Variants in DOCK8 observed in about 807,000 individuals in gnomAD.
The protein encoded by DOCK8 is dedicator of cytokinesis protein 8.
Under a neutral mutation model 245.6 loss-of-function variants are expected in DOCK8, and 141 were observed. The observed-to-expected ratio is 0.57, with a 90% CI of 0.50 to 0.66. The LOEUF (loss-of-function observed/expected upper bound fraction) is 0.66, where lower values mean the gene tolerates loss of function less well. DOCK8 is among the 30% of genes least tolerant of loss of function. The pLI is 0.00. For missense variants in DOCK8, 2,965 were observed against 2,603.4 expected, an observed-to-expected ratio of 1.14 and a Z score of -3.02; for synonymous variants, 1,168 against 970.2, an observed-to-expected ratio of 1.20 and a Z score of -3.79.
chr9:350,081 A>C (rs570158590), intron 14 of DOCK8, among the ~76,000 whole-genome samples: 1 of 152,198 alleles, frequency 6.6e-6, no homozygotes, highest in South Asian at 2.1e-4. Flanking sequence ...GGCTCATCGC[A>C]AACTTGGAGT....
chr9:237,480 C>T (rs2047280622), intron 1 of DOCK8, among the ~76,000 whole-genome samples: 1 of 152,154 alleles, frequency 6.6e-6, no homozygotes, highest in Non-Finnish European at 1.5e-5. Flanking sequence ...AGTGGTGAAA[C>T]CTAGTCTCTA....
chr9:311,876 T>C, intron 5 of DOCK8, 78 bp from the exon 6 acceptor site: 2 of 1,562,758 alleles, frequency 1.3e-6, no homozygotes, highest in East Asian at 2.2e-5. Context: ...TGGAGCAGTC[T>C]TGAGACATCC....
At position 372,435 on chromosome 9, in the gene DOCK8, A is replaced by G. The variant is rs1258322844; in HGVS notation, c.2109+149A>G. 2.3e-5 allele frequency: 17 copies of G among 730,506 alleles called. 1 individual carries two copies. In the South Asian group the frequency reaches 2.3e-4, roughly 10 times the overall value. 45.3% of individuals were successfully genotyped at this position (730,506 alleles called of 1,614,324 possible). On this transcript the variant is annotated intron_variant, in intron 18 of 47. Transcript: ENST00000432829. Reference sequence around the variant, plus strand: ...TCTGATAGGATGGGAGGAATAACTGACTGTGAAACCTCATTCTTTTAAATG... The same window carrying G: ...TCTGATAGGATGGGAGGAATAACTGGCTGTGAAACCTCATTCTTTTAAATG...
At chr9:384,259 C>T (rs1389235718) in intron 22 of DOCK8, among the ~76,000 whole-genome samples, 1 of 152,062 alleles carries the variant, frequency 6.6e-6, no homozygotes, top group Non-Finnish European at 1.5e-5. Context: ...GTATACGATC[C>T]AACAGTCTTT....
intron 1 of DOCK8, among the ~76,000 whole-genome samples, chr9:236,833 A>T (rs1001648895): frequency 6.6e-6 from 1 of 152,214 alleles, no homozygotes; most frequent in Non-Finnish European, 1.5e-5. Context: ...CTTTCAGATT[A>T]TGTTGGCATC....
chr9:217,830 A>G (rs1193670311), intron 1 of DOCK8, among the ~76,000 whole-genome samples: 1 of 152,214 alleles, frequency 6.6e-6, no homozygotes, highest in Non-Finnish European at 1.5e-5. Context: ...TTGGAGATAC[A>G]GCTGCACAAG....
chr9:236,710 C>G (rs2047257887), intron 1 of DOCK8, among the ~76,000 whole-genome samples: 1 of 152,176 alleles, frequency 6.6e-6, no homozygotes, highest in Admixed American at 6.5e-5. Flanking sequence ...ACGAAACCAA[C>G]AAAAACTTGT....
chr9:370,335 G>C (rs781303412), intron 16 of DOCK8, 35 bp downstream of exon 16: 35 of 1,592,852 alleles, frequency 2.2e-5, no homozygotes, highest in Non-Finnish European at 3.0e-5. Context: ...TATATGCCAA[G>C]ATGGTTTCAT....
In DOCK8 at chr9:340,150, T is replaced by C. The variant is rs1013335685; in HGVS notation, c.1517-9T>C. The C allele has an allele frequency of 6.2e-7, 1 of 1,613,794 alleles. No individual in the cohort carries two copies. Among genetic ancestry groups the C allele is most frequent in the African/African-American group, 1.3e-5 (1 of 74,918 alleles). On this transcript the variant is annotated splice_polypyrimidine_tract_variant and intron_variant, in intron 13 of 47. Transcript: ENST00000432829. ...TCTTTACTAGAACATTCCTATTTTC[T>C]CTCTTTAGGCTTGCTAAGACTGGAG... is the stretch of plus-strand genomic sequence containing the variant.
chr9:386,477 T>C, intron 23 of DOCK8, 51 bp downstream of exon 23: 1 of 1,516,826 alleles, frequency 6.6e-7, no homozygotes, highest in Non-Finnish European at 9.1e-7. Flanking sequence ...ACAGAAGGAT[T>C]TCCTCATGCC....
intron 34 of DOCK8, among the ~76,000 whole-genome samples, chr9:427,591 A>G (rs751011382): frequency 6.6e-6 from 1 of 152,184 alleles, no homozygotes. Context: ...TGAGTTTTTA[A>G]TTACCCTGAA....
chr9:381,559 C>T (rs560255029), intron 21 of DOCK8, among the ~76,000 whole-genome samples: 1 of 152,264 alleles, frequency 6.6e-6, no homozygotes, highest in African/African-American at 2.4e-5. Flanking sequence ...AAATTAGTGT[C>T]AGTGAGTTCA....
intron 28 of DOCK8, among the ~76,000 whole-genome samples, chr9:414,117 G>A (rs2055879905): frequency 7.1e-6 from 1 of 140,436 alleles, no homozygotes; most frequent in South Asian, 2.3e-4. Flanking sequence ...ACTCCAGCCT[G>A]AACAACTCCA....
intron 13 of DOCK8, among the ~76,000 whole-genome samples, chr9:339,537 A>G (rs1336903128): frequency 1.3e-5 from 2 of 152,096 alleles, no homozygotes; most frequent in Non-Finnish European, 2.9e-5. Context: ...TTTTTTTGAG[A>G]TGGAGTCTTG....
intron 39 of DOCK8, among the ~76,000 whole-genome samples, chr9:436,507 A>G (rs1408182495): frequency 6.6e-6 from 1 of 152,192 alleles, no homozygotes; most frequent in Non-Finnish European, 1.5e-5. Flanking sequence ...AAATTATTTT[A>G]TACTTCTTTT....
intron 26 of DOCK8, among the ~76,000 whole-genome samples, chr9:399,855 T>A (rs2054662740): frequency 6.6e-6 from 1 of 151,964 alleles, no homozygotes; most frequent in African/African-American, 2.4e-5. Context: ...TAGCAGTTAT[T>A]GTTGCTGCTC....
chr9:428,475 A>G lies in DOCK8; in HGVS notation c.4452A>G (p.Thr1484=). The G allele has an allele frequency of 1.9e-6, 3 of 1,613,838 alleles. No individual in the cohort carries two copies. Among genetic ancestry groups the G allele is most frequent in the South Asian group, 1.1e-5 (1 of 91,034 alleles). The change falls in exon 35 of 48, where the codon ACA becomes ACG. Residue 1484 remains threonine (T), a synonymous_variant. Transcript: ENST00000432829. Reference sequence around the variant, plus strand: ...CCTACCTGACTCACTGCTTTGCAACACTCCGTGCTCTCATCGCCAAGGTAA... The same window carrying G: ...CCTACCTGACTCACTGCTTTGCAACGCTCCGTGCTCTCATCGCCAAGGTAA... ...STTYLTHCFA[T]LRALIAKFGD...
chr9:282,049 C>T (rs1327934829), intron 2 of DOCK8, among the ~76,000 whole-genome samples: 1 of 152,108 alleles, frequency 6.6e-6, no homozygotes, highest in Non-Finnish European at 1.5e-5. Flanking sequence ...GGTGTGTTGC[C>T]CTTGGCACAT....
At chr9:403,942 A>G (rs1226734440) in intron 26 of DOCK8, among the ~76,000 whole-genome samples, 5 of 81,840 alleles carry the variant, frequency 6.1e-5, no homozygotes, top group South Asian at 3.8e-4. Flanking sequence ...GTATATATAT[A>G]TGTGTATATA....
Sources: gnomAD v4.1 joint callset for allele counts (sites outside exome capture counted in the v4.1 genomes callset) on GRCh38, gnomAD v4.1.1 for gene constraint, MANE v1.5 for transcripts, NCBI Gene and HGNC (gene_info 2026-07-23, HGNC 2026-07-21) for gene names.